Variants in RBFOX2 observed in about 807,000 individuals in gnomAD.
RBFOX2 encodes RNA binding fox-1 homolog 2, also known as RNA binding protein fox-1 homolog 2.
RBFOX2 carries 10 observed loss-of-function variants against 49.1 expected under a neutral mutation model. The observed-to-expected ratio is 0.20, with a 90% CI of 0.13 to 0.35. RBFOX2 has a LOEUF of 0.35. Ranked by LOEUF, RBFOX2 falls within the 10% of genes least tolerant of loss-of-function variation. RBFOX2 has a pLI of 1.00. For synonymous variants in RBFOX2, 183 were observed against 187.4 expected (o/e 0.98, Z 0.19); for missense variants, 323 against 486.9 (o/e 0.66, Z 3.17).
Position 35,781,651 on chromosome 22 carries a change from G to C in RBFOX2, c.348C>G (p.Val116=), listed in dbSNP as rs751727987. The C allele has an allele frequency of 2.5e-6, 4 of 1,614,174 alleles. No individual in the cohort carries two copies. In the South Asian group the frequency reaches 3.3e-5, roughly 13 times the overall value. ...CCCGGAAGCGGAAAGGAATATTAGA[G>C]ACATGCAGCCGTTTCGGGGTAGATT... The change falls in exon 3 of 12, where the codon GTC becomes GTG. Residue 116 remains valine (V), a synonymous_variant. Transcript: ENST00000405409.
At chr22:35,879,809 T>C (rs978500803) in intron 1 of RBFOX2, among the ~76,000 whole-genome samples, 4 of 152,192 alleles carry the variant, frequency 2.6e-5, no homozygotes, top group Admixed American at 6.5e-5. Context: ...GGTAGCAGAC[T>C]ATTACAAAAA....
chr22:35,815,260 G>A (rs1251117745), intron 1 of RBFOX2, among the ~76,000 whole-genome samples: 1 of 152,170 alleles, frequency 6.6e-6, no homozygotes, highest in Non-Finnish European at 1.5e-5. Flanking sequence ...AGAGGTGGGT[G>A]TGAAAATTAA....
In RBFOX2 at chr22:35,793,150, T is replaced by C. The variant is rs571269695; in HGVS notation, c.253-11404A>G. ...ACTTTGGGAGGCCAAGGCGGGTGGA[T>C]CACCTGAGGTCAGGAGTTCGAGACC... On this transcript the variant is annotated intron_variant, in intron 2 of 11. Transcript: ENST00000405409. Among the ~76,000 whole-genome samples the C allele has an allele frequency of 3.3e-5, 5 of 152,296 alleles. No homozygotes were observed. In the South Asian group the frequency reaches 1.0e-3, roughly 32 times the overall value.
At chr22:36,019,385 A>G (rs2069034063) in intron 1 of RBFOX2, among the ~76,000 whole-genome samples, 2 of 152,256 alleles carry the variant, frequency 1.3e-5, no homozygotes, top group Admixed American at 1.3e-4. Context: ...TCTGGCACTT[A>G]ATCAATCAGA....
Position 35,799,260 on chromosome 22 carries a change from G to GT in RBFOX2, c.252+10519dup, listed in dbSNP as rs1949334930. 2.6e-5 allele frequency among the ~76,000 whole-genome samples: 4 copies of GT among 152,292 alleles called. No individual in the cohort carries two copies. The South Asian group carries it at 8.3e-4, about 32-fold the overall frequency. On this transcript the variant is annotated intron_variant, in intron 2 of 11. Transcript: ENST00000405409. ...TTTATACCCACTGCCATTTAGAAAAGTATCTAAAGATACAGGAACTGAGGT... is the reference window on the plus strand; with the variant it reads ...TTTATACCCACTGCCATTTAGAAAAGTTATCTAAAGATACAGGAACTGAGGT...
intron 9 of RBFOX2, 74 bp from the exon 12 acceptor site, chr22:35,746,635 C>A (rs1451549468): frequency 9.1e-6 from 8 of 879,040 alleles, no homozygotes; most frequent in South Asian, 4.4e-5. Flanking sequence ...CACCCGCCCA[C>A]ACACAGACGT....
At chr22:35,745,433 T>C (rs1932213647) in intron 11 of RBFOX2, among the ~76,000 whole-genome samples, 1 of 152,232 alleles carries the variant, frequency 6.6e-6, no homozygotes, top group Non-Finnish European at 1.5e-5. Flanking sequence ...TAATAAAATA[T>C]CCTATAAAGC....
intron 1 of RBFOX2, among the ~76,000 whole-genome samples, chr22:35,926,771 G>C (rs1023446540): frequency 1.3e-5 from 2 of 152,076 alleles, no homozygotes; most frequent in African/African-American, 4.8e-5. Context: ...GTGAGAGAAC[G>C]CTCAAAGTAT....
intron 7 of RBFOX2, 44 bp from the exon 9 acceptor site, chr22:35,761,338 A>T (rs1938774331): frequency 1.5e-5 from 25 of 1,613,060 alleles, no homozygotes; most frequent in Non-Finnish European, 2.0e-5. Flanking sequence ...GAAGATTAAA[A>T]AGGAGTCACA....
chr22:35,798,691 A>G (rs966409122), intron 2 of RBFOX2, among the ~76,000 whole-genome samples: 1 of 152,200 alleles, frequency 6.6e-6, no homozygotes, highest in Non-Finnish European at 1.5e-5. Context: ...TTGCCCCTAT[A>G]TATGTATTTC....
At chr22:35,865,159 A>G (rs752467934) in intron 1 of RBFOX2, among the ~76,000 whole-genome samples, 69 of 152,326 alleles carry the variant, frequency 4.5e-4, no homozygotes, top group Admixed American at 2.2e-3. Context: ...GGATGGATGT[A>G]TATCTCGGCC....
At chr22:35,939,096 T>C (rs2053428990), upstream of RBFOX2, 1 of 701,138 alleles carries the variant, frequency 1.4e-6, no homozygotes, top group Non-Finnish European at 2.6e-6. Flanking sequence ...AGTATTTGCT[T>C]AGGAGCACTA....
chr22:36,024,217 T>C (rs2059345871), intron 1 of RBFOX2, among the ~76,000 whole-genome samples: 1 of 152,194 alleles, frequency 6.6e-6, no homozygotes, highest in African/African-American at 2.4e-5. Flanking sequence ...ATTGAGCACT[T>C]ACCAAGTACC....
At chr22:36,001,173 G>T in intron 1 of RBFOX2, among the ~76,000 whole-genome samples, 2 of 128,900 alleles carry the variant, frequency 1.6e-5, no homozygotes, top group Admixed American at 8.5e-5. Flanking sequence ...TTTTTCTCTG[G>T]CCCCAAAACA....
intron 1 of RBFOX2, chr22:35,994,748 G>A (rs1046045741): frequency 2.0e-5 from 3 of 151,536 alleles, no homozygotes; most frequent in African/African-American, 4.9e-5. Context: ...CAGAGATGCG[G>A]GTCTCACTTT....
intron 1 of RBFOX2, among the ~76,000 whole-genome samples, chr22:35,922,528 C>T (rs926707268): frequency 4.0e-5 from 6 of 151,362 alleles, no homozygotes; most frequent in African/African-American, 7.3e-5. Flanking sequence ...GCCAAGATTG[C>T]GCCACTGCAC....
chr22:35,933,881 C>T lies in RBFOX2; in HGVS notation c.-34+4966G>A, dbSNP rs527456431. Among the ~76,000 whole-genome samples, 8 of 145,200 alleles carry T rather than the reference C, an allele frequency of 5.5e-5. No individual in the cohort carries two copies. In the Admixed American group the frequency reaches 5.6e-4, roughly 10 times the overall value. ...AAAATCACTTGTGTTTATTCACCTG[C>T]CAGTTTATAGAAGTCGTAAGTTCTT... On this transcript the variant is annotated intron_variant, in intron 1 of 13. Coordinates refer to the RBFOX2 transcript ENST00000359369.
At chr22:35,754,210 G>C (rs1294907602) in intron 9 of RBFOX2, among the ~76,000 whole-genome samples, 1 of 150,646 alleles carries the variant, frequency 6.6e-6, no homozygotes, top group Non-Finnish European at 1.5e-5. Flanking sequence ...TCCTACATCA[G>C]CCTCCCGAGT....
chr22:35,843,167 C>G (rs769777257), upstream of RBFOX2, among the ~76,000 whole-genome samples: 1 of 152,094 alleles, frequency 6.6e-6, no homozygotes, highest in Non-Finnish European at 1.5e-5. Context: ...AAACTGGAGT[C>G]CCCTGGTGGC....
Sources: allele counts gnomAD v4.1 joint callset (sites outside exome capture counted in the v4.1 genomes callset), GRCh38; gene constraint gnomAD v4.1.1; transcripts MANE v1.5; gene names NCBI Gene and HGNC (gene_info 2026-07-23, HGNC 2026-07-21).